Variants in ANK3 observed in about 807,000 individuals in gnomAD.
ANK3 encodes the protein ankyrin 3.
ANK3 carries 57 observed loss-of-function variants against 370.9 expected under a neutral mutation model. The ratio of observed to expected loss-of-function variants is 0.15; its 90% CI spans 0.12 to 0.19. ANK3 has a LOEUF of 0.19. Ranked by LOEUF, ANK3 falls within the 10% of genes least tolerant of loss-of-function variation. The probability of loss-of-function intolerance (pLI) is 1.00; values close to 1 mark genes in which losing one functional copy is unlikely to be tolerated. For synonymous variants in ANK3, 1,929 were observed against 1,946.3 expected, an observed-to-expected ratio of 0.99 and a Z score of 0.23; for missense variants, 4,439 against 5,302.1, an observed-to-expected ratio of 0.84 and a Z score of 5.06.
At chr10:60,614,599 G>A (rs752191161) in intron 2 of ANK3, among the ~76,000 whole-genome samples, 7 of 152,272 alleles carry the variant, frequency 4.6e-5, no homozygotes, top group South Asian at 2.1e-4. Context: ...GCATTTACAC[G>A]TCACTATATA....
chr10:60,316,507 G>C (rs1018155471), intron 1 of ANK3, among the ~76,000 whole-genome samples: 7 of 152,012 alleles, frequency 4.6e-5, no homozygotes, highest in Non-Finnish European at 1.0e-4. Context: ...AGTTTTATTT[G>C]ACAAGGTTTC....
chr10:60,369,025 G>A (rs2059765920), intron 1 of ANK3, among the ~76,000 whole-genome samples: 1 of 152,088 alleles, frequency 6.6e-6, no homozygotes, highest in African/African-American at 2.4e-5. Context: ...ATGACTGTGT[G>A]CATTTGTCAA....
Position 60,196,168 on chromosome 10 carries a change from C to T in ANK3, c.1864G>A (p.Ala622Thr). ...KVALLLLDQG[A>T]SPHAAAKNGY... ...ACCTTTGCGGCTGCGTGAGGTGAGG[C>T]TCCTTGGTCCAAAAGCAGAAGGGCC... Residue 622 changes from alanine to threonine, a missense_variant, in exon 16 of 44, where the codon GCC becomes ACC. By Grantham distance (58) the Ala-to-Thr change is moderately conservative. This residue lies in a region of ANK3 where 192 missense variants were observed against 192.1 expected (regional missense o/e 1.00). Transcript: ENST00000280772. 3 of 1,613,862 alleles carry T rather than the reference C, an allele frequency of 1.9e-6. No individual in the cohort carries two copies. The highest frequency in any genetic ancestry group is 2.5e-6 in the Non-Finnish European group (3 of 1,179,868).
intron 8 of ANK3, among the ~76,000 whole-genome samples, chr10:60,218,670 T>A (rs991291217): frequency 6.6e-6 from 1 of 152,148 alleles, no homozygotes; most frequent in Non-Finnish European, 1.5e-5. Flanking sequence ...CTGATGGGCT[T>A]CCCTTTGTAG....
At chr10:60,378,858 T>C (rs1414814283) in intron 1 of ANK3, among the ~76,000 whole-genome samples, 2 of 151,430 alleles carry the variant, frequency 1.3e-5, no homozygotes, top group Non-Finnish European at 2.9e-5. Context: ...AACTTGATTA[T>C]ATCAAACTAA....
intron 16 of ANK3, among the ~76,000 whole-genome samples, chr10:60,190,975 A>C (rs2096466461): frequency 6.6e-6 from 1 of 152,160 alleles, no homozygotes; most frequent in Admixed American, 6.5e-5. Context: ...ACAAAAACAA[A>C]CACAGAGAAA....
chr10:60,553,499 T>G (rs1383760073), intron 2 of ANK3, among the ~76,000 whole-genome samples: 1 of 152,166 alleles, frequency 6.6e-6, no homozygotes, highest in African/African-American at 2.4e-5. Flanking sequence ...AATTTGGAAA[T>G]CTGAAATTCT....
chr10:60,696,393 C>T (rs1466839527), intron 1 of ANK3, among the ~76,000 whole-genome samples: 1 of 149,936 alleles, frequency 6.7e-6, no homozygotes, highest in Non-Finnish European at 1.5e-5. Context: ...TCCTCCCTAA[C>T]TCATTTTATG....
chr10:60,197,827 T>G (rs59077922), intron 14 of ANK3, among the ~76,000 whole-genome samples: 2,591 of 152,284 alleles, frequency 0.017, 79 homozygotes, highest in African/African-American at 0.059. Context: ...CAACTGTTTA[T>G]GTTAGGGTAT....
intron 2 of ANK3, among the ~76,000 whole-genome samples, chr10:60,535,930 T>TAA (rs34500562): frequency 9.7e-4 from 144 of 148,796 alleles, no homozygotes; most frequent in East Asian, 2.2e-3. Flanking sequence ...AACCTCCAGC[T>TAA]AAAAAAAAAA....
chr10:60,050,868 TTTTTCTTGTGTGTTAGTAAA>T (rs2077824985), intron 42 of ANK3: 1 of 152,184 alleles, frequency 6.6e-6, no homozygotes, highest in Non-Finnish European at 1.5e-5. Flanking sequence ...CAGCTTGATT[TTTTTCTTGTGTGTTAGTAAA>T]GTTAAACAAA....
intron 2 of ANK3, among the ~76,000 whole-genome samples, chr10:60,513,890 G>A (rs1452120091): frequency 6.6e-6 from 1 of 151,982 alleles, no homozygotes; most frequent in Non-Finnish European, 1.5e-5. Context: ...ACTTATACAC[G>A]GACCTTTTTC....
intron 2 of ANK3, among the ~76,000 whole-genome samples, chr10:60,581,418 CTTTTTTT>C (rs56317709): frequency 3.9e-4 from 48 of 123,438 alleles, no homozygotes; most frequent in South Asian, 8.3e-4. Flanking sequence ...GTATTTTGCC[CTTTTTTT>C]TTTTTTTTTT....
chr10:60,564,455 A>G (rs1013224651), intron 2 of ANK3, among the ~76,000 whole-genome samples: 5 of 152,226 alleles, frequency 3.3e-5, no homozygotes, highest in Non-Finnish European at 7.3e-5. Flanking sequence ...CACGAGAATG[A>G]AAATTATAGG....
At chr10:60,598,618 C>T (rs576189148) in intron 2 of ANK3, among the ~76,000 whole-genome samples, 2 of 152,162 alleles carry the variant, frequency 1.3e-5, no homozygotes, top group East Asian at 3.9e-4. Context: ...TTATTCATTC[C>T]AAAGAAAGCT....
At chr10:60,634,503 T>A (rs999374175) in intron 1 of ANK3, among the ~76,000 whole-genome samples, 2 of 152,018 alleles carry the variant, frequency 1.3e-5, no homozygotes, top group African/African-American at 4.8e-5. Context: ...CAGCACTCTG[T>A]AAAACGGAAC....
At chr10:60,494,263 G>C (rs2075597993) in intron 2 of ANK3, among the ~76,000 whole-genome samples, 2 of 152,098 alleles carry the variant, frequency 1.3e-5, no homozygotes, top group African/African-American at 4.8e-5. Flanking sequence ...ATCCACACTA[G>C]AGATGGAAAA....
intron 2 of ANK3, among the ~76,000 whole-genome samples, chr10:60,513,433 C>G (rs1025323048): frequency 3.3e-5 from 5 of 152,064 alleles, no homozygotes; most frequent in African/African-American, 1.2e-4. Context: ...TGAGATACCA[C>G]TCTAGGTTGG....
chr10:60,462,747 G>A (rs992790683), intron 2 of ANK3, among the ~76,000 whole-genome samples: 13 of 151,874 alleles, frequency 8.6e-5, no homozygotes, highest in African/African-American at 1.7e-4. Flanking sequence ...CTCACCCCCC[G>A]AGATTCCAAC....
Sources: gnomAD v4.1 joint callset for allele counts (sites outside exome capture counted in the v4.1 genomes callset) on GRCh38, gnomAD v4.1.1 for gene constraint, gnomAD v4.1.1 regional missense constraint, MANE v1.5 for transcripts, NCBI Gene and HGNC (gene_info 2026-07-23, HGNC 2026-07-21) for gene names.